Variants in ACOT12 observed in about 807,000 individuals in gnomAD.
ACOT12 encodes acyl-CoA thioesterase 12, also known as acetyl-coenzyme A thioesterase.
A neutral mutation model predicts 67.7 loss-of-function variants in ACOT12; 51 were observed. The observed-to-expected ratio is 0.75, with a 90% CI of 0.60 to 0.95. ACOT12 has a LOEUF of 0.95. Ranked by LOEUF, ACOT12 falls within the 40% of genes least tolerant of loss-of-function variation. The probability of loss-of-function intolerance (pLI) is 0.00; values close to 1 mark genes in which losing one functional copy is unlikely to be tolerated. For missense variants in ACOT12, 734 were observed against 708.1 expected, an observed-to-expected ratio of 1.04 and a Z score of -0.41; for synonymous variants, 251 against 244.6, an observed-to-expected ratio of 1.03 and a Z score of -0.24.
intron 3 of ACOT12, among the ~76,000 whole-genome samples, chr5:81,370,443 T>C (rs1760214843): frequency 6.6e-6 from 1 of 152,236 alleles, no homozygotes; most frequent in African/African-American, 2.4e-5. Context: ...AATAGCACTG[T>C]TGCAGATGTA....
chr5:81,331,364 T>C (rs1758820592), intron 13 of ACOT12, among the ~76,000 whole-genome samples: 3 of 152,072 alleles, frequency 2.0e-5, no homozygotes, highest in Admixed American at 6.6e-5. Flanking sequence ...ATGGAGAAAC[T>C]CCATCTCTAC....
chr5:81,330,091 A>G lies in ACOT12; in HGVS notation c.*303T>C, dbSNP rs1041540993. ...AACCTAAAAATGTTTACGATAATTT[A>G]AACTAAATTCATGCCATTTTATAGA... On this transcript the variant is annotated 3_prime_UTR_variant, in exon 15 of 15. Coordinates refer to ENST00000307624, the MANE Select transcript of ACOT12 (RefSeq NM_130767.3). 17 of 202,452 alleles carry G rather than the reference A, an allele frequency of 8.4e-5. No individual in the cohort carries two copies. The highest frequency in any genetic ancestry group is 1.5e-4 in the Non-Finnish European group (15 of 101,220). 12.5% of individuals were successfully genotyped at this position (202,452 alleles called of 1,614,324 possible).
the ACOT12 span, among the ~76,000 whole-genome samples, chr5:81,324,071 A>T: frequency 6.6e-6 from 1 of 151,956 alleles, no homozygotes; most frequent in African/African-American, 2.4e-5. Flanking sequence ...CCTCCCAAGC[A>T]GCTGGGATTA....
At chr5:81,326,175 G>T (rs1758671779), downstream of ACOT12, among the ~76,000 whole-genome samples, 1 of 123,934 alleles carries the variant, frequency 8.1e-6, no homozygotes. Context: ...TGCCAGGCTT[G>T]AGTGCATTGG....
the ACOT12 span, among the ~76,000 whole-genome samples, chr5:81,323,857 T>C: frequency 7.8e-5 from 8 of 102,726 alleles, no homozygotes; most frequent in Admixed American, 7.5e-4. Context: ...TGTACATGTA[T>C]ATGCATATGT....
chr5:81,384,945 C>T (rs1276530635), intron 2 of ACOT12, among the ~76,000 whole-genome samples: 5 of 152,108 alleles, frequency 3.3e-5, no homozygotes, highest in Non-Finnish European at 7.4e-5. Flanking sequence ...CAATTACCAA[C>T]CTAAATATGT....
the ACOT12 span, chr5:81,312,921 A>G: frequency 4.1e-6 from 1 of 242,342 alleles, no homozygotes; most frequent in South Asian, 9.7e-5. Flanking sequence ...GAACTTAGAC[A>G]TAACCAAGTA....
intron 7 of ACOT12, among the ~76,000 whole-genome samples, chr5:81,345,327 AT>A (rs1199046524): frequency 1.3e-5 from 2 of 152,294 alleles, no homozygotes; most frequent in Non-Finnish European, 1.5e-5. Context: ...TCAAGAACAT[AT>A]TTTGGCAATG....
At chr5:81,339,904 T>G (rs575438626) in intron 11 of ACOT12, among the ~76,000 whole-genome samples, 4 of 152,280 alleles carry the variant, frequency 2.6e-5, no homozygotes, top group African/African-American at 9.6e-5. Flanking sequence ...TGATTTTTTT[T>G]TATAGAGATG....
intron 2 of ACOT12, among the ~76,000 whole-genome samples, chr5:81,384,299 A>T (rs1215304894): frequency 6.6e-6 from 1 of 151,516 alleles, no homozygotes; most frequent in African/African-American, 2.4e-5. Context: ...TAATTTTTGT[A>T]CTTTTAGTAC....
chr5:81,387,532 CTTT>C (rs71000823), intron 1 of ACOT12, among the ~76,000 whole-genome samples: 10 of 127,250 alleles, frequency 7.9e-5, no homozygotes, highest in Admixed American at 8.1e-5. Flanking sequence ...TCTTGAGTAT[CTTT>C]TTTTTTTTTT....
chr5:81,355,547 T>C (rs1464567205), intron 5 of ACOT12, among the ~76,000 whole-genome samples: 3 of 152,242 alleles, frequency 2.0e-5, no homozygotes, highest in Non-Finnish European at 2.9e-5. Flanking sequence ...AGCAGAAGGA[T>C]GGTTCTGCCA....
At chr5:81,336,786 C>A (rs930426122) in intron 11 of ACOT12, among the ~76,000 whole-genome samples, 7 of 152,116 alleles carry the variant, frequency 4.6e-5, no homozygotes, top group Non-Finnish European at 1.0e-4. Context: ...GGGGTTAGGA[C>A]TTCACTGCAG....
At chr5:81,389,897 CTAAT>C (rs1434547425) in intron 1 of ACOT12, among the ~76,000 whole-genome samples, 1 of 150,082 alleles carries the variant, frequency 6.7e-6, no homozygotes, top group Non-Finnish European at 1.5e-5. Context: ...ATTTGGAACT[CTAAT>C]TATGTTTATG....
At chr5:81,337,786 A>G (rs1759050488) in intron 11 of ACOT12, among the ~76,000 whole-genome samples, 1 of 152,156 alleles carries the variant, frequency 6.6e-6, no homozygotes, top group South Asian at 2.1e-4. Context: ...TGTGTCCACT[A>G]CCCAGTTTGT....
intron 2 of ACOT12, among the ~76,000 whole-genome samples, chr5:81,377,152 A>G (rs1368169024): frequency 6.6e-6 from 1 of 152,178 alleles, no homozygotes; most frequent in Non-Finnish European, 1.5e-5. Context: ...CAATCAAGTC[A>G]GCTTCATCCC....
At chr5:81,386,994 C>CTTTTTTTTTTTTT (rs1052387807) in intron 1 of ACOT12, among the ~76,000 whole-genome samples, 2 of 128,478 alleles carry the variant, frequency 1.6e-5, no homozygotes. Flanking sequence ...GGATGAGTTC[C>CTTTTTTTTTTTTT]ATTTTTTTTT....
Position 81,332,551 on chromosome 5 carries a change from G to C in ACOT12, c.1317C>G (p.Thr439=). 2 of 1,614,096 alleles carry C rather than the reference G, an allele frequency of 1.2e-6. No homozygotes were observed. Among genetic ancestry groups the C allele is most frequent in the Non-Finnish European group, 1.7e-6 (2 of 1,179,994 alleles). The change falls in exon 13 of 15, where the codon ACC becomes ACG. Residue 439 remains threonine, a synonymous_variant. Coordinates refer to ENST00000307624, the MANE Select transcript of ACOT12 (RefSeq NM_130767.3). Reference sequence around the variant, plus strand: ...GTTTGTCATCATTCAGTATAGGACAGGTGATGTGATACAGCTGATCATCTT... The same window carrying C: ...GTTTGTCATCATTCAGTATAGGACACGTGATGTGATACAGCTGATCATCTT... ...VSEDDQLYHI[T]CPILNDDKPK... is the part of the protein sequence containing the mutation.
chr5:81,315,716 C>T, the ACOT12 span, among the ~76,000 whole-genome samples: 3 of 152,170 alleles, frequency 2.0e-5, no homozygotes, highest in East Asian at 5.8e-4. Context: ...TTAGCCAAAA[C>T]CCCTAAAGAG....
Sources: gnomAD v4.1 joint callset for allele counts (sites outside exome capture counted in the v4.1 genomes callset) on GRCh38, gnomAD v4.1.1 for gene constraint, MANE v1.5 for transcripts, NCBI Gene and HGNC (gene_info 2026-07-23, HGNC 2026-07-21) for gene names.